Variants in ATP2B2 observed in about 807,000 individuals in gnomAD.
The protein encoded by ATP2B2 is ATPase plasma membrane Ca2+ transporting 2, also known as plasma membrane calcium-transporting ATPase 2.
In ATP2B2, 15 loss-of-function variants were observed where a neutral mutation model predicts 120.0. The observed-to-expected ratio is 0.12, with a 90% CI of 0.08 to 0.19. The LOEUF is 0.19. Among genes scored for constraint, ATP2B2 ranks in the 10% least tolerant of loss-of-function variants. The pLI is 1.00. For synonymous variants in ATP2B2, 694 were observed against 700.3 expected (o/e 0.99, Z 0.14); for missense variants, 1,045 against 1,719.8 (o/e 0.61, Z 6.94).
At chr3:10,656,974 G>A (rs2070647279) in intron 1 of ATP2B2, among the ~76,000 whole-genome samples, 1 of 152,254 alleles carries the variant, frequency 6.6e-6, no homozygotes, top group Non-Finnish European at 1.5e-5. Flanking sequence ...AAGAGATGAG[G>A]CCAGCGGCTG....
chr3:10,632,757 C>T (rs1195331136), intron 1 of ATP2B2, among the ~76,000 whole-genome samples: 1 of 152,214 alleles, frequency 6.6e-6, no homozygotes, highest in African/African-American at 2.4e-5. Context: ...GGGACACAGC[C>T]CTGCACAGGG....
intron 1 of ATP2B2, among the ~76,000 whole-genome samples, chr3:10,459,731 T>A (rs2064407525): frequency 1.3e-5 from 2 of 152,256 alleles, no homozygotes; most frequent in Admixed American, 1.3e-4. Context: ...CCAACATCAT[T>A]CCTGCTAGGT....
chr3:10,651,774 T>C (rs1013606806), intron 1 of ATP2B2, among the ~76,000 whole-genome samples: 5 of 151,704 alleles, frequency 3.3e-5, no homozygotes, highest in African/African-American at 1.2e-4. Flanking sequence ...GATGGATGGA[T>C]AGATGGATGG....
intron 2 of ATP2B2, among the ~76,000 whole-genome samples, chr3:10,609,105 C>A (rs1157394665): frequency 6.6e-6 from 1 of 152,220 alleles, no homozygotes; most frequent in Admixed American, 6.5e-5. Context: ...CTCCTCCAAT[C>A]GAAACAGCCA....
chr3:10,528,318 C>A (rs6772405), intron 3 of ATP2B2, among the ~76,000 whole-genome samples: 143 of 152,232 alleles, frequency 9.4e-4, no homozygotes, highest in African/African-American at 3.3e-3. Flanking sequence ...AAATGCCAGG[C>A]CAGGAGAGCC....
intron 1 of ATP2B2, among the ~76,000 whole-genome samples, chr3:10,465,251 C>G (rs1472979189): frequency 6.6e-6 from 1 of 152,260 alleles, no homozygotes; most frequent in Admixed American, 6.5e-5. Context: ...AGACCCCAAA[C>G]CTCAGACTCT....
At chr3:10,689,647 T>C (rs1000207865) in intron 1 of ATP2B2, among the ~76,000 whole-genome samples, 1 of 152,164 alleles carries the variant, frequency 6.6e-6, no homozygotes, top group Non-Finnish European at 1.5e-5. Flanking sequence ...CTTAGCTTTC[T>C]AGAAAGCTCT....
chr3:10,446,221 C>T (rs951427259), intron 2 of ATP2B2, among the ~76,000 whole-genome samples: 1 of 152,202 alleles, frequency 6.6e-6, no homozygotes, highest in African/African-American at 2.4e-5. Flanking sequence ...GCCACCATTC[C>T]AACCTTTCCG....
chr3:10,548,169 G>C (rs1480385097), intron 2 of ATP2B2, among the ~76,000 whole-genome samples: 2 of 152,238 alleles, frequency 1.3e-5, no homozygotes, highest in African/African-American at 2.4e-5. Context: ...CACAGAGAGT[G>C]CTAGGAAAAG....
chr3:10,390,706 T>G (rs1022223322), intron 5 of ATP2B2, among the ~76,000 whole-genome samples: 1 of 152,178 alleles, frequency 6.6e-6, no homozygotes, highest in Non-Finnish European at 1.5e-5. Flanking sequence ...GATTCTCAGA[T>G]GGCAAGCTCT....
intron 1 of ATP2B2, among the ~76,000 whole-genome samples, chr3:10,678,574 C>G (rs140161724): frequency 6.6e-6 from 1 of 152,156 alleles, no homozygotes; most frequent in Non-Finnish European, 1.5e-5. Context: ...GCATGGAAGG[C>G]TTGTCTGTTT....
chr3:10,419,856 C>T (rs1323634689), intron 2 of ATP2B2, among the ~76,000 whole-genome samples: 1 of 152,184 alleles, frequency 6.6e-6, no homozygotes, highest in African/African-American at 2.4e-5. Context: ...CCACAGTGAC[C>T]CTATCTGGTG....
At chr3:10,408,612 C>T (rs1340141851) in intron 3 of ATP2B2, among the ~76,000 whole-genome samples, 2 of 152,202 alleles carry the variant, frequency 1.3e-5, no homozygotes, top group South Asian at 2.1e-4. Flanking sequence ...CAGACAGACT[C>T]GGGTTGAAAA....
At chr3:10,592,152 C>T (rs1292439499) in intron 2 of ATP2B2, among the ~76,000 whole-genome samples, 2 of 152,168 alleles carry the variant, frequency 1.3e-5, no homozygotes, top group Non-Finnish European at 2.9e-5. Flanking sequence ...CCTGCATCTT[C>T]CTAGTGCTTT....
chr3:10,551,419 C>T (rs535344687), intron 2 of ATP2B2, among the ~76,000 whole-genome samples: 3 of 152,204 alleles, frequency 2.0e-5, no homozygotes, highest in Admixed American at 6.5e-5. Context: ...GTCTCAGATG[C>T]GGATCTGTGA....
intron 2 of ATP2B2, among the ~76,000 whole-genome samples, chr3:10,418,049 G>A (rs2062849126): frequency 6.6e-6 from 1 of 152,164 alleles, no homozygotes; most frequent in African/African-American, 2.4e-5. Flanking sequence ...GAGTGAGAGT[G>A]TTCTCTAATG....
At chr3:10,642,603 A>T (rs1246150144) in intron 1 of ATP2B2, among the ~76,000 whole-genome samples, 2 of 152,042 alleles carry the variant, frequency 1.3e-5, no homozygotes, top group Non-Finnish European at 2.9e-5. Context: ...CATCAAAATC[A>T]TCCATTTCTA....
At position 10,328,955 on chromosome 3, in the gene ATP2B2, C is replaced by T. The variant is rs774316631; in HGVS notation, c.3591G>A (p.Lys1197=). ...DTDLEEDAAL[K]QNSSPPSSLN... is the part of the protein sequence containing the mutation. Reference sequence around the variant, plus strand: ...GGGATGACGGCGGGCTCGAGTTCTGCTTGAGCGCGGCATCTTCTTCCAGGT... The same window carrying T: ...GGGATGACGGCGGGCTCGAGTTCTGTTTGAGCGCGGCATCTTCTTCCAGGT... The change falls in exon 23 of 23, where the codon AAG becomes AAA. Residue 1197 remains lysine (K), a synonymous_variant. Coordinates refer to ENST00000360273, the MANE Select transcript of ATP2B2 (RefSeq NM_001001331.4). 3 of 1,613,736 alleles carry T rather than the reference C, an allele frequency of 1.9e-6. No homozygotes were observed. The African/African-American group carries it at 4.0e-5, about 22-fold the overall frequency.
intron 8 of ATP2B2, 82 bp from the exon 9 acceptor site, chr3:10,379,366 C>T (rs2061468096): frequency 2.1e-6 from 3 of 1,462,788 alleles, no homozygotes; most frequent in Non-Finnish European, 1.9e-6. Context: ...AGGCCACAGA[C>T]ATTAATGTCA....
Sources: gnomAD v4.1 joint callset for allele counts (sites outside exome capture counted in the v4.1 genomes callset) on GRCh38, gnomAD v4.1.1 for gene constraint, MANE v1.5 for transcripts, NCBI Gene and HGNC (gene_info 2026-07-23, HGNC 2026-07-21) for gene names.